POM121C: variants seen among roughly 807,000 people sequenced by gnomAD.
POM121C encodes the protein POM121 transmembrane nucleoporin C.
In POM121C, 20 loss-of-function variants were observed where a neutral mutation model predicts 66.4. The ratio of observed to expected loss-of-function variants is 0.30; its 90% CI spans 0.21 to 0.44. POM121C has a LOEUF of 0.44. POM121C is among the 20% of genes least tolerant of loss of function. The pLI is 1.00. For synonymous variants in POM121C, 286 were observed against 528.0 expected (o/e 0.54, Z 6.28); for missense variants, 580 against 1,225.7 (o/e 0.47, Z 7.87).
At chr7:75,446,833 C>T (rs1477426343) in intron 3 of POM121C, among the ~76,000 whole-genome samples, 4 of 150,596 alleles carry the variant, frequency 2.7e-5, no homozygotes, top group South Asian at 4.2e-4. Flanking sequence ...CACGGTGAAA[C>T]GCCATCTCTA....
intron 3 of POM121C, among the ~76,000 whole-genome samples, chr7:75,458,111 G>A (rs1467178950): frequency 6.6e-6 from 1 of 152,292 alleles, no homozygotes; most frequent in South Asian, 2.1e-4. Context: ...AATGGGAAAC[G>A]GGTTAAATAT....
chr7:75,476,269 C>A (rs1186430467), intron 1 of POM121C, among the ~76,000 whole-genome samples: 3 of 138,996 alleles, frequency 2.2e-5, no homozygotes, highest in African/African-American at 5.2e-5. Context: ...CCAGCCTAGG[C>A]AACAGAGCGA....
At chr7:75,431,273 G>C (rs1159307342) in intron 7 of POM121C, among the ~76,000 whole-genome samples, 2 of 152,032 alleles carry the variant, frequency 1.3e-5, no homozygotes, top group Admixed American at 6.6e-5. Context: ...TGAGGATATG[G>C]AACAACATAA....
intron 13 of POM121C, chr7:75,421,272 A>C: frequency 8.0e-7 from 1 of 1,246,072 alleles, no homozygotes; most frequent in Non-Finnish European, 1.1e-6. Context: ...CACTGCGCCC[A>C]ACCTTCAGCT....
intron 3 of POM121C, among the ~76,000 whole-genome samples, chr7:75,465,798 A>G (rs880003503): frequency 7.2e-6 from 1 of 139,764 alleles, no homozygotes; most frequent in Admixed American, 7.8e-5. Context: ...ACTCAGGATG[A>G]GGTGGGAGGA....
chr7:75,449,352 C>T (rs1790941821), intron 3 of POM121C, among the ~76,000 whole-genome samples: 1 of 150,162 alleles, frequency 6.7e-6, no homozygotes, highest in Non-Finnish European at 1.5e-5. Context: ...TCACAACACT[C>T]CACTGTTCTC....
intron 7 of POM121C, among the ~76,000 whole-genome samples, chr7:75,436,017 C>T (rs1790390514): frequency 6.6e-6 from 1 of 150,424 alleles, no homozygotes; most frequent in South Asian, 2.1e-4. Flanking sequence ...CACCACTGCG[C>T]TCCAGCGTGG....
At chr7:75,478,550 T>C (rs1187089919) in intron 1 of POM121C, among the ~76,000 whole-genome samples, 16 of 151,072 alleles carry the variant, frequency 1.1e-4, no homozygotes, top group African/African-American at 3.2e-4. Context: ...ATCGTTCTAT[T>C]CCAAATGTTC....
At chr7:75,457,873 G>A (rs1393712686) in intron 3 of POM121C, among the ~76,000 whole-genome samples, 1 of 152,236 alleles carries the variant, frequency 6.6e-6, no homozygotes, top group African/African-American at 2.4e-5. Context: ...TCCAAGAACA[G>A]TTGATATATA....
In POM121C at chr7:75,450,665, G is replaced by A. The variant is rs144088494; in HGVS notation, c.-151-9018C>T. On this transcript the variant is annotated intron_variant, in intron 3 of 14. Transcript: ENST00000615331. ...TGCTAAAAGAATCAGAGACTTCAGTGACCACACATGAAAATGATAAATCTT... is the reference window on the plus strand; with the variant it reads ...TGCTAAAAGAATCAGAGACTTCAGTAACCACACATGAAAATGATAAATCTT... Among the ~76,000 whole-genome samples the A allele has an allele frequency of 7.5e-3, 1,142 of 152,316 alleles. 13 individuals carry two copies. Among genetic ancestry groups the A allele is most frequent in the African/African-American group, 0.026 (1,067 of 41,564 alleles).
At chr7:75,434,147 G>A (rs1278258956) in intron 7 of POM121C, among the ~76,000 whole-genome samples, 2 of 152,212 alleles carry the variant, frequency 1.3e-5, no homozygotes, top group Non-Finnish European at 2.9e-5. Context: ...TTGAACGTGA[G>A]ATTTGGCTGG....
At chr7:75,427,865 G>A (rs1271668692) in intron 7 of POM121C, among the ~76,000 whole-genome samples, 3 of 152,148 alleles carry the variant, frequency 2.0e-5, no homozygotes, top group Non-Finnish European at 4.4e-5. Flanking sequence ...GTGGTAAGCA[G>A]CAGAACAGTT....
At chr7:75,475,265 G>A (rs587737201) in intron 1 of POM121C, 77 bp from the exon 2 acceptor site, 78 of 1,256,986 alleles carry the variant, frequency 6.2e-5, no homozygotes, top group African/African-American at 1.6e-4. Flanking sequence ...GCTCACTGGT[G>A]AAGTTAACCA....
chr7:75,465,122 G>A (rs1300424207), intron 3 of POM121C, among the ~76,000 whole-genome samples: 2 of 151,180 alleles, frequency 1.3e-5, no homozygotes, highest in Non-Finnish European at 2.9e-5. Context: ...AGCCTCCCAA[G>A]TAGCTGGGAT....
intron 13 of POM121C, 80 bp downstream of exon 13, chr7:75,421,429 A>G (rs1481467353): frequency 5.6e-6 from 9 of 1,594,872 alleles, no homozygotes; most frequent in Non-Finnish European, 6.8e-6. Context: ...GCCACAGCAT[A>G]AGCTCCCCGA....
At chr7:75,479,861 A>G (rs1279347113) in intron 1 of POM121C, among the ~76,000 whole-genome samples, 5 of 152,306 alleles carry the variant, frequency 3.3e-5, no homozygotes, top group Non-Finnish European at 7.3e-5. Flanking sequence ...CTAAAATAAC[A>G]AAACAGTGTG....
chr7:75,485,447 C>A (rs1335637859), intron 1 of POM121C, among the ~76,000 whole-genome samples: 1 of 152,164 alleles, frequency 6.6e-6, no homozygotes, highest in Non-Finnish European at 1.5e-5. Context: ...GCAACTGAGG[C>A]AGCAGCAGAG....
chr7:75,419,267 C>A, intron 14 of POM121C, 53 bp downstream of exon 14: 1 of 1,559,028 alleles, frequency 6.4e-7, no homozygotes, highest in South Asian at 1.2e-5. Context: ...TGCCACCCCA[C>A]CCAACCTCTC....
rs587686037 is a variant in POM121C, at chr7:75,482,695, A to G, written c.-458+3169T>C. 7.9e-4 allele frequency among the ~76,000 whole-genome samples: 120 copies of G among 152,272 alleles called. 1 individual carries two copies. Among genetic ancestry groups the G allele is most frequent in the African/African-American group, 2.7e-3 (114 of 41,552 alleles). ...ACAGAGCAAGACCCTATCTCAAAAA[A>G]AGAAAAAAAGAAACAAAACAAAACA... On this transcript the variant is annotated intron_variant, in intron 1 of 14. Coordinates refer to ENST00000615331, the MANE Select transcript of POM121C (RefSeq NM_001099415.3).
Sources: gnomAD v4.1 joint callset for allele counts (sites outside exome capture counted in the v4.1 genomes callset) on GRCh38, gnomAD v4.1.1 for gene constraint, MANE v1.5 for transcripts, NCBI Gene and HGNC (gene_info 2026-07-23, HGNC 2026-07-21) for gene names.